The following RAD50 variants were observed in gnomAD, a reference collection of about 807,000 sequenced individuals.
RAD50 encodes the protein RAD50 double strand break repair protein.
RAD50 carries 132 observed loss-of-function variants against 168.8 expected under a neutral mutation model. That is an observed-to-expected ratio of 0.78 (90% CI 0.68 to 0.90). RAD50 has a LOEUF of 0.90. Ranked by LOEUF, RAD50 falls within the 40% of genes least tolerant of loss-of-function variation. The probability of loss-of-function intolerance (pLI) is 0.00; values close to 1 mark genes in which losing one functional copy is unlikely to be tolerated. For synonymous variants in RAD50, 525 were observed against 497.4 expected (o/e 1.06, Z -0.74); for missense variants, 1,347 against 1,534.4 (o/e 0.88, Z 2.04).
intron 21 of RAD50, among the ~76,000 whole-genome samples, chr5:132,620,433 G>A (rs1323640322): frequency 6.6e-6 from 1 of 152,070 alleles, no homozygotes; most frequent in Non-Finnish European, 1.5e-5. Flanking sequence ...TCATCACTTT[G>A]TCTATCTCTG....
intron 13 of RAD50, chr5:132,600,014 G>A (rs1449328781): frequency 6.6e-6 from 1 of 152,198 alleles, no homozygotes; most frequent in Non-Finnish European, 1.5e-5. Context: ...GAGGGGTAAA[G>A]TAACAAGATT....
intron 3 of RAD50, among the ~76,000 whole-genome samples, chr5:132,577,802 A>ATTTTTTT (rs923754085): frequency 4.7e-5 from 4 of 84,388 alleles, no homozygotes; most frequent in Non-Finnish European, 6.6e-5. Context: ...CCCATTTCTG[A>ATTTTTTT]TTTTTTTTTT....
At chr5:132,596,468 A>G (rs1279307383) in intron 13 of RAD50, among the ~76,000 whole-genome samples, 1 of 152,258 alleles carries the variant, frequency 6.6e-6, no homozygotes, top group Non-Finnish European at 1.5e-5. Context: ...AAGTTCTCCC[A>G]GAAGACAGAT....
chr5:132,632,919 C>T (rs959899641), intron 21 of RAD50, among the ~76,000 whole-genome samples: 3 of 151,968 alleles, frequency 2.0e-5, no homozygotes, highest in Non-Finnish European at 4.4e-5. Flanking sequence ...TGTATGTTGT[C>T]TATTTGTATT....
chr5:132,622,427 A>G (rs887168726), intron 21 of RAD50, among the ~76,000 whole-genome samples: 7 of 152,112 alleles, frequency 4.6e-5, no homozygotes. Context: ...CCAAAATGCT[A>G]GGATTACAGA....
Position 132,579,363 on chromosome 5 carries a change from C to G in RAD50, c.412C>G (p.Arg138Gly). 1.2e-6 allele frequency: 2 copies of G among 1,613,756 alleles called. No individual in the cohort carries two copies. Among genetic ancestry groups the G allele is most frequent in the Non-Finnish European group, 1.7e-6 (2 of 1,179,850 alleles). The change falls in exon 4 of 25, where the codon CGA becomes GGA. Residue 138 changes from arginine (R) to glycine (G), a missense_variant. Physicochemically the swap from Arg to Gly is moderately radical, Grantham distance 125. Transcript: ENST00000378823. ...GAGCTCTAAGTGTGCAGAAATTGAC[C>G]GAGAAATGATCAGTTCTCTTGGGGT... is the stretch of plus-strand genomic sequence containing the variant. ...SLSSKCAEID[R>G]EMISSLGVSK... is the part of the protein sequence containing the mutation.
At chr5:132,571,294 A>G (rs965084718) in intron 2 of RAD50, among the ~76,000 whole-genome samples, 4 of 152,078 alleles carry the variant, frequency 2.6e-5, no homozygotes, top group Non-Finnish European at 4.4e-5. Context: ...GGGTTGCCAC[A>G]AACCTCTGAA....
intron 21 of RAD50, among the ~76,000 whole-genome samples, chr5:132,625,235 C>T (rs10044364): frequency 0.047 from 7,141 of 151,140 alleles, 553 homozygotes; most frequent in African/African-American, 0.16. Context: ...TACAGGCGCC[C>T]GCCACTACGC....
intron 14 of RAD50, 131 bp downstream of exon 14, chr5:132,603,620 G>A: frequency 9.4e-7 from 1 of 1,062,596 alleles, no homozygotes; most frequent in Non-Finnish European, 1.4e-6. Context: ...CTGAATTTCA[G>A]ATACCCTCAG....
At chr5:132,627,677 C>T (rs1432742436) in intron 21 of RAD50, among the ~76,000 whole-genome samples, 4 of 152,172 alleles carry the variant, frequency 2.6e-5, no homozygotes, top group African/African-American at 9.7e-5. Context: ...TGCCTTGTAG[C>T]CTTGGTAAAC....
At chr5:132,617,147 T>G (rs13361822) in intron 20 of RAD50, among the ~76,000 whole-genome samples, 5,266 of 152,260 alleles carry the variant, frequency 0.035, 297 homozygotes, top group African/African-American at 0.12. Context: ...CAAGCCTCAG[T>G]TCTTTTACAC....
intron 19 of RAD50, among the ~76,000 whole-genome samples, chr5:132,612,318 G>T (rs992430065): frequency 6.6e-6 from 1 of 152,210 alleles, no homozygotes; most frequent in African/African-American, 2.4e-5. Context: ...AGTGACAGCA[G>T]ATTAATGTTT....
chr5:132,566,488 A>G (rs969834829), intron 2 of RAD50, among the ~76,000 whole-genome samples: 1 of 152,124 alleles, frequency 6.6e-6, no homozygotes, highest in Non-Finnish European at 1.5e-5. Flanking sequence ...CCTCATTGAA[A>G]TGTCTGTATC....
chr5:132,579,834 A>G (rs1205191655), intron 4 of RAD50, 28 bp from the exon 5 acceptor site: 12 of 1,562,752 alleles, frequency 7.7e-6, no homozygotes, highest in Non-Finnish European at 9.7e-6. Context: ...TTTGCCAGAA[A>G]TTTGATTTTT....
chr5:132,570,912 C>T (rs371366677), intron 2 of RAD50, among the ~76,000 whole-genome samples: 25 of 152,082 alleles, frequency 1.6e-4, no homozygotes, highest in African/African-American at 5.8e-4. Context: ...TGATTTAAAA[C>T]GAGATGTTTG....
chr5:132,645,325 C>T lies in RAD50; in HGVS notation c.*2961C>T, dbSNP rs1176198102. 2 of 152,300 alleles carry T rather than the reference C, an allele frequency of 1.3e-5. No individual in the cohort carries two copies. The highest frequency in any genetic ancestry group is 2.9e-5 in the Non-Finnish European group (2 of 68,070). 9.4% of individuals were successfully genotyped at this position (152,300 alleles called of 1,614,324 possible). The stretch of plus-strand genomic sequence containing the variant: ...TTCCATGGCTCATCATTATGTCACC[C>T]TCCACTGCATTGTACTCAAACTGTC... On this transcript the variant is annotated 3_prime_UTR_variant, in exon 25 of 25. Coordinates refer to ENST00000378823, the MANE Select transcript of RAD50 (RefSeq NM_005732.4).
chr5:132,598,896 T>G (rs1469843273), intron 13 of RAD50, among the ~76,000 whole-genome samples: 1 of 152,144 alleles, frequency 6.6e-6, no homozygotes, highest in Non-Finnish European at 1.5e-5. Flanking sequence ...CTCCCAAGAT[T>G]CAGTGAGGGA....
intron 5 of RAD50, among the ~76,000 whole-genome samples, chr5:132,582,151 T>A (rs572416286): frequency 1.6e-4 from 24 of 152,324 alleles, no homozygotes; most frequent in Admixed American, 3.9e-4. Flanking sequence ...ATCCATATTG[T>A]TGAAATGAAG....
Position 132,587,658 on chromosome 5 carries a change from G to A in RAD50, c.853G>A (p.Asp285Asn), listed in dbSNP as rs1247777046. The change falls in exon 6 of 25, where the codon GAT (aspartate) becomes AAT (asparagine). Residue 285 changes from aspartate (D) to asparagine (N), a missense_variant. This residue lies in a region of RAD50 where 703 missense variants were observed against 767.7 expected (regional missense o/e 0.92). Transcript: ENST00000378823. The part of the protein sequence containing the change: ...LDSRKKQMEK[D>N]NSELEEKMEK... ...TAGCCGAAAGAAGCAAATGGAGAAA[G>A]ATAATAGTGAACTGGAAGAGAAAAT... 4 of 1,613,806 alleles carry A rather than the reference G, an allele frequency of 2.5e-6. No individual in the cohort carries two copies. In the South Asian group the frequency reaches 4.4e-5, roughly 18 times the overall value.
Sources: allele counts gnomAD v4.1 joint callset (sites outside exome capture counted in the v4.1 genomes callset), GRCh38; gene constraint gnomAD v4.1.1; regional missense constraint gnomAD v4.1.1; transcripts MANE v1.5; gene names NCBI Gene and HGNC (gene_info 2026-07-23, HGNC 2026-07-21).